EIPR1: variants seen among roughly 807,000 people sequenced by gnomAD.
The protein encoded by EIPR1 is EARP and GARP complex-interacting protein 1.
In EIPR1, 25 loss-of-function variants were observed where a neutral mutation model predicts 48.1. The observed-to-expected ratio is 0.52, with a 90% CI of 0.38 to 0.73. EIPR1 has a LOEUF of 0.73. Ranked by LOEUF, EIPR1 falls within the 30% of genes least tolerant of loss-of-function variation. The pLI is 0.00. For synonymous variants in EIPR1, 204 were observed against 201.9 expected, an observed-to-expected ratio of 1.01 and a Z score of -0.09; for missense variants, 415 against 506.2, an observed-to-expected ratio of 0.82 and a Z score of 1.73.
intron 4 of EIPR1, 130 bp downstream of exon 4, chr2:3,257,169 C>G: frequency 9.2e-7 from 1 of 1,090,394 alleles, no homozygotes; most frequent in Non-Finnish European, 1.2e-6. Flanking sequence ...ATCAAATTCT[C>G]GCAGCTTTTT....
chr2:3,266,707 C>T (rs1042685460), intron 3 of EIPR1, among the ~76,000 whole-genome samples: 1 of 152,190 alleles, frequency 6.6e-6, no homozygotes, highest in Non-Finnish European at 1.5e-5. Flanking sequence ...GTGTCAGGGG[C>T]TCGCTGGCCG....
intron 3 of EIPR1, among the ~76,000 whole-genome samples, chr2:3,317,986 C>T (rs575275346): frequency 7.9e-5 from 12 of 152,368 alleles, no homozygotes; most frequent in South Asian, 2.1e-4. Flanking sequence ...GCCCGAGACA[C>T]GGGCTCAGCA....
At chr2:3,328,591 C>A (rs1275839152) in intron 3 of EIPR1, among the ~76,000 whole-genome samples, 3 of 149,170 alleles carry the variant, frequency 2.0e-5, no homozygotes, top group African/African-American at 5.0e-5. Flanking sequence ...ACTCTACCCA[C>A]CACGCTCTAA....
chr2:3,201,510 C>G (rs1417647333), intron 5 of EIPR1, among the ~76,000 whole-genome samples: 1 of 152,200 alleles, frequency 6.6e-6, no homozygotes, highest in Non-Finnish European at 1.5e-5. Context: ...CCCAGATACA[C>G]TCAGCATGGA....
At chr2:3,260,346 C>T (rs1212719836) in intron 3 of EIPR1, among the ~76,000 whole-genome samples, 1 of 152,030 alleles carries the variant, frequency 6.6e-6, no homozygotes, top group Non-Finnish European at 1.5e-5. Context: ...TAAAAATTAG[C>T]TGGGCATGGT....
chr2:3,343,500 C>T (rs1670311481), intron 2 of EIPR1, among the ~76,000 whole-genome samples: 1 of 126,598 alleles, frequency 7.9e-6, no homozygotes, highest in Non-Finnish European at 1.6e-5. Flanking sequence ...TTACTTTAAA[C>T]TTTTCAAGCC....
intron 4 of EIPR1, among the ~76,000 whole-genome samples, chr2:3,236,818 G>A (rs1666419110): frequency 6.6e-6 from 1 of 152,174 alleles, no homozygotes; most frequent in African/African-American, 2.4e-5. Context: ...TGGCAGAGCT[G>A]AGAGTCAACC....
intron 3 of EIPR1, among the ~76,000 whole-genome samples, chr2:3,300,253 A>G (rs930366294): frequency 2.0e-5 from 3 of 152,292 alleles, no homozygotes; most frequent in Non-Finnish European, 2.9e-5. Flanking sequence ...CCAAAATTCT[A>G]TTTGGTCCAT....
rs1668190520 is a variant in EIPR1, at chr2:3,286,510, T to A, written c.260-29055A>T. 6.6e-6 allele frequency among the ~76,000 whole-genome samples: 1 copy of A among 152,180 alleles called. No individual in the cohort carries two copies. Among genetic ancestry groups the A allele is most frequent in the South Asian group, 2.1e-4 (1 of 4,828 alleles). On this transcript the variant is annotated intron_variant, in intron 3 of 8. Coordinates refer to ENST00000382125, the MANE Select transcript of EIPR1 (RefSeq NM_003310.5). The surrounding 1 kb of genome is among the most constrained non-coding windows in gnomAD (Gnocchi z 4.2). ...AGAGGTGAGGGACACTTGGTGTCCGTGACAGGGAAAGGCTGAGGCATCAGG... is the reference window on the plus strand; with the variant it reads ...AGAGGTGAGGGACACTTGGTGTCCGAGACAGGGAAAGGCTGAGGCATCAGG...
At chr2:3,213,111 A>G (rs1017147505) in intron 5 of EIPR1, among the ~76,000 whole-genome samples, 3 of 152,224 alleles carry the variant, frequency 2.0e-5, no homozygotes, top group Admixed American at 6.5e-5. Context: ...GGTAGGAACA[A>G]ATAAATATAA....
At chr2:3,292,369 G>T (rs1190467259) in intron 3 of EIPR1, among the ~76,000 whole-genome samples, 3 of 151,356 alleles carry the variant, frequency 2.0e-5, no homozygotes, top group Non-Finnish European at 2.9e-5. Flanking sequence ...CACGCTGTTG[G>T]GGGGACAGCC....
At chr2:3,324,727 G>A (rs975051915) in intron 3 of EIPR1, among the ~76,000 whole-genome samples, 3 of 152,242 alleles carry the variant, frequency 2.0e-5, no homozygotes, top group Non-Finnish European at 4.4e-5. Context: ...CAGGAGGCCC[G>A]CTGGAAGATC....
intron 3 of EIPR1, chr2:3,319,146 T>A (rs1669411901): frequency 5.8e-6 from 2 of 344,910 alleles, no homozygotes; most frequent in Admixed American, 7.6e-5. Context: ...AATAGTTACA[T>A]CTCCATCCTG....
intron 3 of EIPR1, chr2:3,319,249 A>C (rs1002416307): frequency 6.3e-6 from 2 of 319,518 alleles, no homozygotes; most frequent in Admixed American, 8.1e-5. Context: ...GAAGCCTTGT[A>C]GCTGTAGGTC....
At chr2:3,250,941 CTTT>C (rs1223650407) in intron 4 of EIPR1, among the ~76,000 whole-genome samples, 1 of 147,508 alleles carries the variant, frequency 6.8e-6, no homozygotes, top group African/African-American at 2.5e-5. Context: ...AAATAAACCT[CTTT>C]TTTTTTTTAA....
chr2:3,257,515 G>A, intron 3 of EIPR1, 60 bp from the exon 4 acceptor site: 1 of 1,581,660 alleles, frequency 6.3e-7, no homozygotes, highest in Non-Finnish European at 8.6e-7. Context: ...GCATTCTGCA[G>A]ACAGCACACG....
rs1558211949 is a variant in EIPR1 at position 3,192,439 on chromosome 2, G to A, written c.964C>T (p.Gln322Ter). Residue 322 changes from glutamine to a stop codon, truncating the protein, a stop_gained, in exon 8 of 9, where the codon CAG becomes TAG. Coordinates refer to ENST00000382125, the MANE Select transcript of EIPR1 (RefSeq NM_003310.5). LOFTEE classifies it high-confidence loss of function. ...HLVDDDDISD[Q>*]EDHRSEEKSK... ...TTCTCTTCAGAACGGTGGTCCTCCT[G>A]GTCACTGATGTCATCGTCGTCTACC... 1.2e-6 allele frequency: 2 copies of A among 1,611,888 alleles called. No homozygotes were observed. Among genetic ancestry groups the A allele is most frequent in the Non-Finnish European group, 1.7e-6 (2 of 1,179,270 alleles).
At chr2:3,246,867 AGGAGGGAG>A (rs1186588646) in intron 4 of EIPR1, among the ~76,000 whole-genome samples, 151 of 22,742 alleles carry the variant, frequency 6.6e-3, no homozygotes, top group Non-Finnish European at 7.5e-3. Context: ...AAGGGAGGGA[AGGAGGGAG>A]GGAGGGAGGG....
chr2:3,232,839 A>G (rs1164735324), intron 4 of EIPR1, among the ~76,000 whole-genome samples: 1 of 152,106 alleles, frequency 6.6e-6, no homozygotes, highest in African/African-American at 2.4e-5. Flanking sequence ...TCCTCTCTCA[A>G]CCACCCTGAA....
Sources: gnomAD v4.1 joint callset for allele counts (sites outside exome capture counted in the v4.1 genomes callset) on GRCh38, gnomAD v4.1.1 for gene constraint, Gnocchi (gnomAD v3.1) non-coding constraint, MANE v1.5 for transcripts, NCBI Gene and HGNC (gene_info 2026-07-23, HGNC 2026-07-21) for gene names.